Variants in PFKFB3 observed in about 807,000 individuals in gnomAD.
PFKFB3 encodes the protein 6-phosphofructo-2-kinase/fructose-2,6-biphosphatase 3, also known as 6-phosphofructo-2-kinase/fructose-2,6-bisphosphatase 3.
A neutral mutation model predicts 68.0 loss-of-function variants in PFKFB3; 33 were observed. That is an observed-to-expected ratio of 0.49 (90% CI 0.37 to 0.65). The LOEUF (loss-of-function observed/expected upper bound fraction) is 0.65, where lower values mean the gene tolerates loss of function less well. PFKFB3 is among the 30% of genes least tolerant of loss of function. The pLI is 0.00. For synonymous variants in PFKFB3, 315 were observed against 288.2 expected, an observed-to-expected ratio of 1.09 and a Z score of -0.94; for missense variants, 586 against 712.2, an observed-to-expected ratio of 0.82 and a Z score of 2.02.
chr10:6,148,070 G>T (rs1048349070), intron 1 of PFKFB3, among the ~76,000 whole-genome samples: 1 of 152,214 alleles, frequency 6.6e-6, no homozygotes, highest in Admixed American at 6.5e-5. Flanking sequence ...TTGGGCACTT[G>T]CTATGCACCA....
At chr10:6,206,830 T>C (rs1461610754) in intron 1 of PFKFB3, among the ~76,000 whole-genome samples, 97 of 12,600 alleles carry the variant, frequency 7.7e-3, no homozygotes, top group African/African-American at 0.014. Context: ...CGCTCCTCAC[T>C]TCCCAGACGG....
intron 1 of PFKFB3, among the ~76,000 whole-genome samples, chr10:6,161,635 TATAGAG>T (rs755746586): frequency 3.7e-5 from 3 of 80,500 alleles, no homozygotes; most frequent in Non-Finnish European, 7.9e-5. Context: ...CATATATATA[TATAGAG>T]AGAGAGAGAG....
In PFKFB3 at chr10:6,220,640, G is replaced by A. The variant is rs778765720; in HGVS notation, c.624-18G>A. On this transcript the variant is annotated intron_variant, in intron 7 of 14. Transcript: ENST00000379775. This position sits in a 1 kb window ranked among gnomAD's most constrained non-coding sequence, Gnocchi z 4.1. ...GGTGGTGGCCTGAGCTGTGGTTCTC[G>A]GTGGGGTCTCTCTGCAGGGACTTGT... 1.3e-5 allele frequency: 21 copies of A among 1,611,812 alleles called. 1 individual carries two copies. In the Middle Eastern group the frequency reaches 6.6e-4, roughly 50 times the overall value.
At chr10:6,297,268 G>A in the PFKFB3 span, among the ~76,000 whole-genome samples, 13 of 152,210 alleles carry the variant, frequency 8.5e-5, no homozygotes, top group Non-Finnish European at 1.5e-4. Context: ...CAGTGGAAGT[G>A]GCTTTCATCG....
intron 1 of PFKFB3, among the ~76,000 whole-genome samples, chr10:6,151,257 G>C (rs542296756): frequency 6.6e-6 from 1 of 152,294 alleles, no homozygotes; most frequent in South Asian, 2.1e-4. Context: ...TTCTGGTTGG[G>C]GCAGCCACAA....
At chr10:6,285,962 T>C in the PFKFB3 span, among the ~76,000 whole-genome samples, 1 of 148,898 alleles carries the variant, frequency 6.7e-6, no homozygotes, top group Non-Finnish European at 1.5e-5. Context: ...CTGTTGACCA[T>C]CCTTTCACTG....
At chr10:6,270,895 T>C in the PFKFB3 span, among the ~76,000 whole-genome samples, 15 of 152,340 alleles carry the variant, frequency 9.8e-5, 2 homozygotes, top group Admixed American at 6.5e-4. Context: ...TCTAGCCCCC[T>C]GCCTGGGATA....
At chr10:6,164,007 G>C (rs1354273289) in intron 1 of PFKFB3, 1 of 152,514 alleles carries the variant, frequency 6.6e-6, no homozygotes, top group East Asian at 1.9e-4. Flanking sequence ...AAATAGGCCC[G>C]GCAGGTGTTT....
At chr10:6,312,370 A>G in the PFKFB3 span, among the ~76,000 whole-genome samples, 2 of 152,082 alleles carry the variant, frequency 1.3e-5, no homozygotes, top group Non-Finnish European at 2.9e-5. Context: ...ATCTCTCACC[A>G]CTGTCTCTCC....
In PFKFB3 at chr10:6,210,374, TTTTTGA is replaced by T. The variant is rs1844109680; in HGVS notation, c.77-3248_77-3243del. ...TTTTTTTGTTTTTTTGTTTTTTTTT[TTTTTGA>T]GACGAAGTTTCGCTCTGTCACCCAG... is the stretch of plus-strand genomic sequence containing the variant. On this transcript the variant is annotated intron_variant, in intron 1 of 14. Coordinates refer to ENST00000379775, the MANE Select transcript of PFKFB3 (RefSeq NM_004566.4). Among the ~76,000 whole-genome samples the T allele has an allele frequency of 5.9e-5, 5 of 84,616 alleles. 1 individual carries two copies. Among genetic ancestry groups the T allele is most frequent in the Non-Finnish European group, 1.5e-4 (5 of 32,520 alleles). The allele number at this position is 84,616 out of a possible 152,430, so 55.5% of individuals were successfully genotyped here. A position where few individuals can be genotyped will look rare whatever the true frequency, so the allele number is the denominator to read the frequency against.
intron 1 of PFKFB3, among the ~76,000 whole-genome samples, chr10:6,164,342 G>A (rs1842065429): frequency 6.6e-6 from 1 of 152,222 alleles, no homozygotes. Flanking sequence ...AGGGCCTGCG[G>A]TGAATTTGGG....
the PFKFB3 span, among the ~76,000 whole-genome samples, chr10:6,283,540 A>AGATGGAGGCCGGAAGACTCAGCTCACGCT: frequency 1.3e-5 from 2 of 151,036 alleles, no homozygotes; most frequent in African/African-American, 4.9e-5. Context: ...CATGGGAGAA[A>AGATGGAGGCCGGAAGACTCAGCTCACGCT]GATGGAGGCT....
intron 1 of PFKFB3, among the ~76,000 whole-genome samples, chr10:6,171,589 C>T (rs1169237494): frequency 1.3e-5 from 2 of 152,180 alleles, no homozygotes; most frequent in African/African-American, 4.8e-5. Flanking sequence ...GATGAGGTCC[C>T]TCTGTGTTGC....
chr10:6,162,596 ATAG>A (rs1842001324), intron 1 of PFKFB3, among the ~76,000 whole-genome samples: 1 of 152,152 alleles, frequency 6.6e-6, no homozygotes, highest in African/African-American at 2.4e-5. Flanking sequence ...ATCATTATTA[ATAG>A]TAGTAATAGT....
At chr10:6,231,318 A>G (rs769529614) in intron 14 of PFKFB3, 1 of 1,612,386 alleles carries the variant, frequency 6.2e-7, no homozygotes, top group Admixed American at 1.7e-5. Context: ...GTGGAAGGTA[A>G]ATGCCTGGGT....
chr10:6,299,867 G>A, the PFKFB3 span, among the ~76,000 whole-genome samples: 116 of 151,648 alleles, frequency 7.6e-4, 1 homozygote, highest in African/African-American at 2.7e-3. Context: ...CTGGTTTGGA[G>A]CTCCATGTTT....
At position 6,187,198 on chromosome 10, in the gene PFKFB3, T is replaced by TAACAAAAA. The variant is rs1554844289; in HGVS notation, c.17-26423_17-26422insCAAAAAAA. On this transcript the variant is annotated intron_variant, in intron 1 of 14. Coordinates refer to the PFKFB3 transcript ENST00000379789. ...CAACATGGTGAATCCCTGTTTCTAC[T>TAACAAAAA]AAAAAAAAAAAAATTAGCTGGACAT... Among the ~76,000 whole-genome samples the TAACAAAAA allele has an allele frequency of 1.1e-4, 15 of 142,106 alleles. 1 individual carries two copies. The highest frequency in any genetic ancestry group is 3.9e-4 in the African/African-American group (15 of 38,780). The allele number at this position is 142,106 out of a possible 152,430, so 93.2% of individuals were successfully genotyped here.
chr10:6,302,448 CT>C, the PFKFB3 span, among the ~76,000 whole-genome samples: 2 of 130,940 alleles, frequency 1.5e-5, no homozygotes, highest in African/African-American at 3.0e-5. Context: ...GTGGTGCAAC[CT>C]TGGCTCACTG....
intron 1 of PFKFB3, among the ~76,000 whole-genome samples, chr10:6,187,362 G>GA (rs1297425277): frequency 6.6e-6 from 1 of 151,808 alleles, no homozygotes; most frequent in Non-Finnish European, 1.5e-5. Context: ...CTCCGTCTCA[G>GA]AAAAAAAAGT....
Sources: allele counts gnomAD v4.1 joint callset (sites outside exome capture counted in the v4.1 genomes callset), GRCh38; gene constraint gnomAD v4.1.1; non-coding constraint Gnocchi (gnomAD v3.1); transcripts MANE v1.5; gene names NCBI Gene and HGNC (gene_info 2026-07-23, HGNC 2026-07-21).